OLFM3: variants seen among roughly 807,000 people sequenced by gnomAD.
OLFM3 encodes the protein noelin-3.
In OLFM3, 20 loss-of-function variants were observed where a neutral mutation model predicts 48.6. The ratio of observed to expected loss-of-function variants is 0.41; its 90% CI spans 0.29 to 0.60. The LOEUF is 0.60. OLFM3 is among the 20% of genes least tolerant of loss of function. The pLI is 0.28. For synonymous variants in OLFM3, 222 were observed against 198.1 expected, an observed-to-expected ratio of 1.12 and a Z score of -1.01; for missense variants, 437 against 544.3, an observed-to-expected ratio of 0.80 and a Z score of 1.96.
At chr1:101,950,502 C>T (rs560954064) in intron 1 of OLFM3, among the ~76,000 whole-genome samples, 2 of 151,192 alleles carry the variant, frequency 1.3e-5, no homozygotes, top group Non-Finnish European at 3.0e-5. Flanking sequence ...GCAGTGGCGC[C>T]ATCTCGGCTC....
At chr1:101,812,106 G>T (rs972099551) in intron 4 of OLFM3, among the ~76,000 whole-genome samples, 3 of 151,638 alleles carry the variant, frequency 2.0e-5, no homozygotes, top group African/African-American at 7.3e-5. Context: ...AACACCACAT[G>T]TTCTCACTCA....
At chr1:101,899,011 C>T (rs1658300098) in intron 1 of OLFM3, among the ~76,000 whole-genome samples, 1 of 152,146 alleles carries the variant, frequency 6.6e-6, no homozygotes, top group Admixed American at 6.5e-5. Context: ...TGTTGTGTAA[C>T]AAAGTACCCC....
chr1:101,969,224 T>G (rs1203907740), intron 1 of OLFM3, among the ~76,000 whole-genome samples: 4 of 152,092 alleles, frequency 2.6e-5, no homozygotes, highest in African/African-American at 4.8e-5. Flanking sequence ...CAGAGCTCAC[T>G]GCAGCCTTGA....
rs112438621 is a variant in OLFM3 at position 101,838,178 on chromosome 1, C to A, written c.70-1153G>T. ...CGTTCAAGCGATTCACCTGCCTCAG[C>A]CTCTTGAGTAGCTGGGATTACAGGC... On this transcript the variant is annotated intron_variant, in intron 1 of 5. Coordinates refer to ENST00000370103, the MANE Select transcript of OLFM3 (RefSeq NM_058170.4). 2.4e-4 allele frequency among the ~76,000 whole-genome samples: 37 copies of A among 152,074 alleles called. 1 individual carries two copies. The highest frequency in any genetic ancestry group is 1.3e-3 in the Admixed American group (20 of 15,288).
At chr1:101,847,118 A>T in intron 1 of OLFM3, 1 of 1,303,730 alleles carries the variant, frequency 7.7e-7, no homozygotes. Context: ...AAAGCTTCGG[A>T]ACCTCCTTCC....
intron 1 of OLFM3, among the ~76,000 whole-genome samples, chr1:101,993,151 G>A (rs1246795342): frequency 6.6e-6 from 1 of 152,090 alleles, no homozygotes; most frequent in Non-Finnish European, 1.5e-5. Context: ...CCCCAAATAT[G>A]TAGCTGGCTC....
intron 1 of OLFM3, among the ~76,000 whole-genome samples, chr1:101,970,182 A>AT (rs1211928353): frequency 6.6e-6 from 1 of 151,802 alleles, no homozygotes; most frequent in Non-Finnish European, 1.5e-5. Flanking sequence ...CACCCCGCTA[A>AT]TTTTTTGTAT....
At chr1:101,977,194 A>G (rs1660979921) in intron 1 of OLFM3, among the ~76,000 whole-genome samples, 1 of 152,198 alleles carries the variant, frequency 6.6e-6, no homozygotes, top group South Asian at 2.1e-4. Context: ...GAATTTGGAG[A>G]TTACAATCAA....
chr1:101,886,612 G>C lies in OLFM3; in HGVS notation c.70-49587C>G, dbSNP rs188175728. Among the ~76,000 whole-genome samples the C allele has an allele frequency of 3.2e-3, 486 of 152,178 alleles. 4 individuals carry two copies. Among genetic ancestry groups the C allele is most frequent in the African/African-American group, 0.011 (455 of 41,542 alleles). ...ATTCCAGCTAGAACATCAGACACGT[G>C]AGTGGGGACACTAGTTAAGACGACT... On this transcript the variant is annotated intron_variant, in intron 1 of 5. Transcript: ENST00000370103.
At chr1:101,889,705 T>A (rs1262391703) in intron 1 of OLFM3, among the ~76,000 whole-genome samples, 1 of 152,082 alleles carries the variant, frequency 6.6e-6, no homozygotes, top group Non-Finnish European at 1.5e-5. Flanking sequence ...TATTTGGATA[T>A]ACTGATCTAG....
intron 1 of OLFM3, among the ~76,000 whole-genome samples, chr1:101,881,188 G>GT (rs1657512421): frequency 6.6e-6 from 1 of 151,830 alleles, no homozygotes; most frequent in Non-Finnish European, 1.5e-5. Flanking sequence ...CTTTGTGAAG[G>GT]TTTTTATCTG....
chr1:101,829,908 C>T (rs1276335309), intron 3 of OLFM3, among the ~76,000 whole-genome samples: 2 of 151,942 alleles, frequency 1.3e-5, no homozygotes, highest in Non-Finnish European at 2.9e-5. Flanking sequence ...TGTCTCGGCT[C>T]ACTGCAAGCT....
chr1:101,945,656 A>C (rs1284867481), intron 1 of OLFM3, among the ~76,000 whole-genome samples: 5 of 152,126 alleles, frequency 3.3e-5, no homozygotes, highest in South Asian at 4.1e-4. Flanking sequence ...TTGAAATAAA[A>C]ATAAAAATCT....
At chr1:101,894,880 T>C (rs2101010321) in intron 1 of OLFM3, among the ~76,000 whole-genome samples, 1 of 152,278 alleles carries the variant, frequency 6.6e-6, no homozygotes, top group African/African-American at 2.4e-5. Context: ...TTGGAAATAT[T>C]TTCCCTACAT....
intron 3 of OLFM3, among the ~76,000 whole-genome samples, chr1:101,827,628 T>G (rs1198082894): frequency 6.6e-6 from 1 of 152,152 alleles, no homozygotes; most frequent in Non-Finnish European, 1.5e-5. Context: ...ATGGTAGGAC[T>G]CAAGAAATAA....
chr1:101,828,480 T>C (rs1351377222), intron 3 of OLFM3, among the ~76,000 whole-genome samples: 1 of 152,236 alleles, frequency 6.6e-6, no homozygotes, highest in Non-Finnish European at 1.5e-5. Context: ...CAAGCCATTA[T>C]GTCACATGGT....
At chr1:101,868,053 C>T (rs1010356407) in intron 1 of OLFM3, among the ~76,000 whole-genome samples, 2 of 152,116 alleles carry the variant, frequency 1.3e-5, no homozygotes, top group Admixed American at 1.3e-4. Context: ...TTCCTGAGGC[C>T]TCCCCAGCCC....
At position 101,825,093 on chromosome 1, in the gene OLFM3, G is replaced by T. The variant is rs369712899; in HGVS notation, c.525C>A (p.Asp175Glu). 16 of 1,613,986 alleles carry T rather than the reference G, an allele frequency of 9.9e-6. No individual in the cohort carries two copies. Among genetic ancestry groups the T allele is most frequent in the Non-Finnish European group, 1.4e-5 (16 of 1,179,992 alleles). The change falls in exon 4 of 6, where the codon GAC becomes GAA. Residue 175 changes from aspartate (D) to glutamate (E), a missense_variant. Transcript: ENST00000370103. ...GCACTCTTTGGTGTAGTTCCTCGTAGTCATAGGCACCAATTTCCTCCTGAA... is the reference window on the plus strand; with the variant it reads ...GCACTCTTTGGTGTAGTTCCTCGTATTCATAGGCACCAATTTCCTCCTGAA... ...TGIQEEIGAY[D>E]YEELHQRVLS... is the part of the protein sequence containing the mutation.
intron 1 of OLFM3, among the ~76,000 whole-genome samples, chr1:101,967,613 A>AAG: frequency 6.6e-6 from 1 of 150,832 alleles, no homozygotes; most frequent in South Asian, 2.1e-4. Flanking sequence ...AAAAAAAAAA[A>AAG]AGGAATAACT....
Sources: allele counts gnomAD v4.1 joint callset (sites outside exome capture counted in the v4.1 genomes callset), GRCh38; gene constraint gnomAD v4.1.1; transcripts MANE v1.5; gene names NCBI Gene and HGNC (gene_info 2026-07-23, HGNC 2026-07-21).